The following LRRC37A3 variants were observed in gnomAD, a reference collection of about 807,000 sequenced individuals.
LRRC37A3 encodes the protein leucine-rich repeat-containing protein 37A3.
In LRRC37A3, 25 loss-of-function variants were observed where a neutral mutation model predicts 106.2. The ratio of observed to expected loss-of-function variants is 0.24; its 90% confidence interval spans 0.17 to 0.33. The LOEUF is 0.33. Among genes scored for constraint, LRRC37A3 ranks in the 10% least tolerant of loss-of-function variants. The pLI, the probability that LRRC37A3 is intolerant of heterozygous loss-of-function variation, is 1.00. For synonymous variants in LRRC37A3, 305 were observed against 635.8 expected (o/e 0.48, Z 7.83); for missense variants, 712 against 1,644.9 (o/e 0.43, Z 9.81).
At chr17:64,862,405 G>A (rs1972906017) in intron 11 of LRRC37A3, among the ~76,000 whole-genome samples, 1 of 151,728 alleles carries the variant, frequency 6.6e-6, no homozygotes, top group Non-Finnish European at 1.5e-5. Flanking sequence ...GCAATTTCTG[G>A]TTATGGAACC....
At chr17:64,918,092 C>A (rs2143644409) in intron 2 of LRRC37A3, among the ~76,000 whole-genome samples, 1 of 148,114 alleles carries the variant, frequency 6.8e-6, no homozygotes, top group South Asian at 2.1e-4. Flanking sequence ...ATATACACTA[C>A]TGTAATTAAT....
At position 64,862,845 on chromosome 17, in the gene LRRC37A3, A is replaced by T. The variant is rs1399665687; in HGVS notation, c.3172+55T>A. ...AATTTTATCATCATTAAAAATAAAA[A>T]GTTTAAAAACAAATACTTAATGTAA... On this transcript the variant is annotated intron_variant, in intron 11 of 14. Transcript: ENST00000584306. 10 of 1,582,514 alleles carry T rather than the reference A, an allele frequency of 6.3e-6. No individual in the cohort carries two copies. In the East Asian group the frequency reaches 1.6e-4, roughly 25 times the overall value.
chr17:64,860,430 T>C lies in LRRC37A3; in HGVS notation c.3716A>G (p.Gln1239Arg). The C allele has an allele frequency of 6.2e-7, 1 of 1,613,982 alleles. No individual in the cohort carries two copies. The part of the protein sequence containing the change: ...NAVYTKPSFT[Q>R]EHKAAVSVLK... ...CACAGAGACTGCTGCCTTATGCTCTTGGGTGAACGAAGGCTTGGTGTAGAC... is the reference window on the plus strand; with the variant it reads ...CACAGAGACTGCTGCCTTATGCTCTCGGGTGAACGAAGGCTTGGTGTAGAC... Residue 1239 changes from glutamine to arginine, a missense_variant, in exon 12 of 15, where the codon CAA becomes CGA. Transcript: ENST00000584306.
Position 64,860,544 on chromosome 17 carries a change from G to T in LRRC37A3, c.3602C>A (p.Ala1201Asp), listed in dbSNP as rs889447179. The change falls in exon 12 of 15, where the codon GCC (alanine) becomes GAC (aspartate). Residue 1201 changes from alanine to aspartate, a missense_variant. By Grantham distance (126) the Ala-to-Asp change is moderately radical (BLOSUM62 -2). Coordinates refer to ENST00000584306, the MANE Select transcript of LRRC37A3 (RefSeq NM_199340.5). Reference sequence around the variant, plus strand: ...TGGACTTCCGAGCCTTTTTTCTTCGGCAGTGTTCTCCACAGATGCCTGGGC... The same window carrying T: ...TGGACTTCCGAGCCTTTTTTCTTCGTCAGTGTTCTCCACAGATGCCTGGGC... Reference protein sequence around the residue: ...QGAQASVENTAEEKRLGSPAP... With the variant: ...QGAQASVENTDEEKRLGSPAP... 2 of 1,612,776 alleles carry T rather than the reference G, an allele frequency of 1.2e-6. No individual in the cohort carries two copies. The highest frequency in any genetic ancestry group is 2.7e-5 in the African/African-American group (2 of 74,832).
At chr17:64,917,392 T>C (rs2143642412) in intron 2 of LRRC37A3, among the ~76,000 whole-genome samples, 1 of 150,826 alleles carries the variant, frequency 6.6e-6, no homozygotes, top group East Asian at 2.0e-4. Flanking sequence ...CTTATAAACA[T>C]ACAACCCAGA....
chr17:64,877,465 G>A (rs1973551783), intron 8 of LRRC37A3, among the ~76,000 whole-genome samples: 1 of 152,170 alleles, frequency 6.6e-6, no homozygotes, highest in South Asian at 2.1e-4. Flanking sequence ...GCCTCCCAAA[G>A]TGCTGGGATT....
intron 8 of LRRC37A3, among the ~76,000 whole-genome samples, chr17:64,877,596 C>A (rs1228325108): frequency 6.6e-6 from 1 of 152,206 alleles, no homozygotes; most frequent in Non-Finnish European, 1.5e-5. Context: ...GATTACATAT[C>A]TGCTATTATC....
intron 2 of LRRC37A3, among the ~76,000 whole-genome samples, chr17:64,909,087 T>G (rs1219551061): frequency 2.0e-5 from 3 of 152,122 alleles, no homozygotes; most frequent in Non-Finnish European, 4.4e-5. Flanking sequence ...GAACTTGCAT[T>G]TCTAACAATT....
intron 8 of LRRC37A3, among the ~76,000 whole-genome samples, chr17:64,873,514 G>A (rs946520672): frequency 6.9e-4 from 105 of 151,220 alleles, no homozygotes; most frequent in African/African-American, 2.2e-3. Flanking sequence ...TAAGAGAAAC[G>A]ATTCAGTTCT....
chr17:64,918,739 CATACAT>C lies in LRRC37A3; in HGVS notation c.-496+5_-496+10del. On this transcript the variant is annotated splice_donor_5th_base_variant and intron_variant, in intron 2 of 14. Coordinates refer to ENST00000584306, the MANE Select transcript of LRRC37A3 (RefSeq NM_199340.5). ...ACTTCATCCAATTTTGTAAAAAATA[CATACAT>C]ATACCTGTGCCAGGTGCAGTGGCTC... The C allele has an allele frequency of 2.3e-6, 1 of 435,360 alleles. No homozygotes were observed. Among genetic ancestry groups the C allele is most frequent in the Non-Finnish European group, 4.1e-6 (1 of 242,134 alleles). The allele number at this position is 435,360 out of a possible 1,614,324, so 27.0% of individuals were successfully genotyped here. A position where few individuals can be genotyped will look rare whatever the true frequency, so the allele number is the denominator to read the frequency against.
intron 2 of LRRC37A3, among the ~76,000 whole-genome samples, chr17:64,899,419 C>CA (rs71215666): frequency 8.7e-4 from 87 of 100,156 alleles, no homozygotes; most frequent in African/African-American, 2.6e-3. Context: ...GACTCCATCT[C>CA]AAAAAAAAAA....
chr17:64,874,772 A>G (rs1403275475), intron 8 of LRRC37A3, among the ~76,000 whole-genome samples: 3 of 151,776 alleles, frequency 2.0e-5, no homozygotes, highest in Admixed American at 2.0e-4. Context: ...TCTGCCTTGG[A>G]ATGCTGTTGA....
At chr17:64,856,256 A>G (rs1217545497) in intron 13 of LRRC37A3, among the ~76,000 whole-genome samples, 1 of 152,026 alleles carries the variant, frequency 6.6e-6, no homozygotes, top group African/African-American at 2.4e-5. Context: ...ATTCTCTGTT[A>G]CTCAGGATGG....
At chr17:64,865,872 T>C (rs1973051494) in intron 10 of LRRC37A3, among the ~76,000 whole-genome samples, 1 of 152,238 alleles carries the variant, frequency 6.6e-6, no homozygotes, top group African/African-American at 2.4e-5. Flanking sequence ...TAGTACATGA[T>C]TCTTTAGTCT....
chr17:64,854,476 G>C lies in LRRC37A3; in HGVS notation c.*123C>G. The C allele has an allele frequency of 1.4e-6, 2 of 1,416,058 alleles. No individual in the cohort carries two copies. The highest frequency in any genetic ancestry group is 1.2e-5 in the South Asian group (1 of 85,858). 87.7% of individuals were successfully genotyped at this position (1,416,058 alleles called of 1,614,324 possible). Reference sequence around the variant, plus strand: ...AAACAAGGGCAGGAACGATGGCCCTGTGCTTGCTCTGCCCGCTGCCTCTGT... The same window carrying C: ...AAACAAGGGCAGGAACGATGGCCCTCTGCTTGCTCTGCCCGCTGCCTCTGT... On this transcript the variant is annotated 3_prime_UTR_variant, in exon 15 of 15. Transcript: ENST00000584306.
At chr17:64,874,154 T>C (rs1229391214) in intron 8 of LRRC37A3, among the ~76,000 whole-genome samples, 1 of 152,198 alleles carries the variant, frequency 6.6e-6, no homozygotes, top group Admixed American at 6.5e-5. Flanking sequence ...CCCAGTACCT[T>C]GGGAGGCTTG....
At chr17:64,918,964 G>T in intron 1 of LRRC37A3, 94 bp from the exon 2 acceptor site, 2 of 1,156,172 alleles carry the variant, frequency 1.7e-6, no homozygotes, top group South Asian at 4.2e-5. Flanking sequence ...CAGCTGTCCG[G>T]GCCAGGTGGC....
chr17:64,901,321 G>C (rs1199401329), intron 2 of LRRC37A3: 2 of 151,066 alleles, frequency 1.3e-5, no homozygotes, highest in African/African-American at 2.5e-5. Flanking sequence ...GGCACCAGGT[G>C]GGGGGTCGAA....
At chr17:64,861,002 C>T in intron 11 of LRRC37A3, 29 bp from the exon 12 acceptor site, 1 of 1,613,370 alleles carries the variant, frequency 6.2e-7, no homozygotes, top group Non-Finnish European at 8.5e-7. Context: ...CTGCTTTGAT[C>T]ATGAAAGATG....
Sources: gnomAD v4.1 joint callset for allele counts (sites outside exome capture counted in the v4.1 genomes callset) on GRCh38, gnomAD v4.1.1 for gene constraint, MANE v1.5 for transcripts, NCBI Gene and HGNC (gene_info 2026-07-23, HGNC 2026-07-21) for gene names.